The following EFCAB6 variants were observed in gnomAD, a reference collection of about 807,000 sequenced individuals.
The protein encoded by EFCAB6 is EF-hand calcium-binding domain-containing protein 6.
EFCAB6 carries 156 observed loss-of-function variants against 169.8 expected under a neutral mutation model. The observed-to-expected ratio is 0.92, with a 90% CI of 0.81 to 1.05. The LOEUF is 1.05. Among genes scored for constraint, EFCAB6 ranks in the 50% least tolerant of loss-of-function variants. The pLI is 0.00. For synonymous variants in EFCAB6, 698 were observed against 676.4 expected (o/e 1.03, Z -0.50); for missense variants, 1,800 against 1,829.1 (o/e 0.98, Z 0.29).
intron 10 of EFCAB6, among the ~76,000 whole-genome samples, chr22:43,708,444 T>C (rs530760353): frequency 6.7e-6 from 1 of 148,520 alleles, no homozygotes; most frequent in South Asian, 2.1e-4. Flanking sequence ...AGACGAGGAA[T>C]AAAGAAAAAA....
intron 20 of EFCAB6, among the ~76,000 whole-genome samples, chr22:43,621,731 A>C (rs1214010951): frequency 6.6e-6 from 1 of 152,152 alleles, no homozygotes; most frequent in Non-Finnish European, 1.5e-5. Context: ...AAAATAGAGA[A>C]AAATCAATAA....
intron 27 of EFCAB6, among the ~76,000 whole-genome samples, chr22:43,541,296 A>T (rs1057140772): frequency 4.7e-4 from 71 of 152,360 alleles, no homozygotes; most frequent in African/African-American, 1.7e-3. Flanking sequence ...GAATCCTCAG[A>T]AGAAGCAGGG....
chr22:43,592,256 C>T (rs966464461), intron 23 of EFCAB6, among the ~76,000 whole-genome samples: 12 of 152,152 alleles, frequency 7.9e-5, no homozygotes, highest in African/African-American at 2.9e-4. Flanking sequence ...GGAATTGGCT[C>T]CCATGACATT....
At chr22:43,646,982 A>G (rs28590288) in intron 17 of EFCAB6, among the ~76,000 whole-genome samples, 7,031 of 152,282 alleles carry the variant, frequency 0.046, 563 homozygotes, top group African/African-American at 0.16. Flanking sequence ...AGAAATTGTA[A>G]TAATTTCAAT....
intron 24 of EFCAB6, among the ~76,000 whole-genome samples, chr22:43,585,415 C>A (rs2050997948): frequency 6.6e-6 from 1 of 151,798 alleles, no homozygotes; most frequent in Admixed American, 6.6e-5. Flanking sequence ...ACCTCTGAAA[C>A]TGAAATGCAA....
At chr22:43,712,858 C>T (rs948026858) in intron 9 of EFCAB6, among the ~76,000 whole-genome samples, 4 of 151,786 alleles carry the variant, frequency 2.6e-5, no homozygotes, top group Non-Finnish European at 5.9e-5. Flanking sequence ...GGTATGAAAC[C>T]GAAATAGTGT....
chr22:43,793,888 A>G (rs1361305809), intron 2 of EFCAB6, among the ~76,000 whole-genome samples: 2 of 152,206 alleles, frequency 1.3e-5, no homozygotes, highest in Non-Finnish European at 2.9e-5. Context: ...ATTGTTATTA[A>G]TACCATTGTT....
chr22:43,578,592 C>A (rs2050415224), intron 25 of EFCAB6, among the ~76,000 whole-genome samples: 1 of 152,064 alleles, frequency 6.6e-6, no homozygotes, highest in Non-Finnish European at 1.5e-5. Context: ...TCCAAGGACA[C>A]CAGCACAGTC....
At chr22:43,605,275 T>G (rs1436179133) in intron 22 of EFCAB6, among the ~76,000 whole-genome samples, 1 of 152,200 alleles carries the variant, frequency 6.6e-6, no homozygotes, top group African/African-American at 2.4e-5. Context: ...ATAATTTAAC[T>G]TTAAAGCAAA....
chr22:43,622,675 T>A (rs900802266), intron 20 of EFCAB6, among the ~76,000 whole-genome samples: 4 of 152,232 alleles, frequency 2.6e-5, no homozygotes, highest in African/African-American at 9.6e-5. Flanking sequence ...TTACTATATC[T>A]AACCTAAATA....
chr22:43,632,480 G>A (rs968824891), intron 18 of EFCAB6, among the ~76,000 whole-genome samples: 1 of 151,772 alleles, frequency 6.6e-6, no homozygotes, highest in Non-Finnish European at 1.5e-5. Flanking sequence ...TTGTACTTTT[G>A]GTACAGACAG....
chr22:43,767,168 T>C (rs928633123), intron 4 of EFCAB6, among the ~76,000 whole-genome samples: 10 of 152,176 alleles, frequency 6.6e-5, no homozygotes, highest in African/African-American at 1.9e-4. Flanking sequence ...ATCAAATCTG[T>C]TATTTACTAA....
chr22:43,542,474 G>C (rs1483700258), intron 27 of EFCAB6, among the ~76,000 whole-genome samples: 4 of 152,214 alleles, frequency 2.6e-5, no homozygotes, highest in African/African-American at 7.2e-5. Flanking sequence ...CAGCTACTCA[G>C]GAGGCTGAGA....
intron 20 of EFCAB6, among the ~76,000 whole-genome samples, chr22:43,623,858 G>A (rs181551635): frequency 6.9e-6 from 1 of 145,732 alleles, no homozygotes; most frequent in East Asian, 2.0e-4. Context: ...GCAGTGAGCC[G>A]AGATTCCGCC....
chr22:43,692,002 C>A (rs1280503992), intron 10 of EFCAB6, among the ~76,000 whole-genome samples: 3 of 152,048 alleles, frequency 2.0e-5, no homozygotes, highest in East Asian at 3.9e-4. Flanking sequence ...TAATAAGTAG[C>A]CTTTATGGCC....
intron 10 of EFCAB6, among the ~76,000 whole-genome samples, chr22:43,688,937 T>C (rs1312326459): frequency 6.6e-6 from 1 of 152,212 alleles, no homozygotes; most frequent in African/African-American, 2.4e-5. Context: ...AAACAAATTC[T>C]TTATCTACAT....
chr22:43,716,021 C>T (rs1356468384), intron 9 of EFCAB6, among the ~76,000 whole-genome samples: 4 of 152,152 alleles, frequency 2.6e-5, no homozygotes, highest in Non-Finnish European at 1.5e-5. Flanking sequence ...CAAAGTTTTG[C>T]TGTATAAAGG....
At chr22:43,546,156 A>G (rs1214874052) in intron 27 of EFCAB6, among the ~76,000 whole-genome samples, 1 of 152,262 alleles carries the variant, frequency 6.6e-6, no homozygotes, top group African/African-American at 2.4e-5. Context: ...AAGGAGCAAG[A>G]TAATACCAGA....
At chr22:43,652,423 T>C (rs774616716) in intron 17 of EFCAB6, among the ~76,000 whole-genome samples, 1 of 151,960 alleles carries the variant, frequency 6.6e-6, no homozygotes, top group Non-Finnish European at 1.5e-5. Flanking sequence ...CTCTTTCTTT[T>C]GTAAATTTTT....
Sources: gnomAD v4.1 joint callset for allele counts (sites outside exome capture counted in the v4.1 genomes callset) on GRCh38, gnomAD v4.1.1 for gene constraint, MANE v1.5 for transcripts, NCBI Gene and HGNC (gene_info 2026-07-23, HGNC 2026-07-21) for gene names.